The following INHBA variants were observed in gnomAD, a reference collection of about 807,000 sequenced individuals.
INHBA encodes the protein inhibin subunit beta A, also known as inhibin beta A chain.
INHBA carries 1 observed loss-of-function variant against 29.0 expected under a neutral mutation model. The observed-to-expected ratio is 0.03, with a 90% CI of 0.01 to 0.16. INHBA has a LOEUF of 0.16. Ranked by LOEUF, INHBA falls within the 10% of genes least tolerant of loss-of-function variation. INHBA has a pLI of 1.00. For synonymous variants in INHBA, 242 were observed against 216.8 expected, an observed-to-expected ratio of 1.12 and a Z score of -1.02; for missense variants, 376 against 545.4, an observed-to-expected ratio of 0.69 and a Z score of 3.09.
At chr7:41,703,422 TCA>T (rs1403121919), upstream of INHBA, among the ~76,000 whole-genome samples, 4 of 152,202 alleles carry the variant, frequency 2.6e-5, no homozygotes, top group Admixed American at 6.5e-5. Context: ...ATATTCAGGT[TCA>T]GTTTTATGTC....
intron 1 of INHBA, among the ~76,000 whole-genome samples, chr7:41,701,040 G>T (rs181608683): frequency 3.3e-5 from 5 of 151,994 alleles, no homozygotes; most frequent in Non-Finnish European, 7.4e-5. Context: ...CCATTTTCGG[G>T]GGTTCTACTT....
Position 41,690,496 on chromosome 7 carries a change from A to G in INHBA, c.435T>C (p.Ser145=). 1 of 1,611,976 alleles carries G rather than the reference A, an allele frequency of 6.2e-7. No individual in the cohort carries two copies. ...TLHFEISKEG[S]DLSVVERAEV... ...CTGCACGCTCCACCACTGACAGGTC[A>G]CTGCCTTCCTTGGAAATCTCGAAGT... Residue 145 remains serine, a synonymous_variant, in exon 3 of 3, where the codon AGT becomes AGC. Coordinates refer to ENST00000242208, the MANE Select transcript of INHBA (RefSeq NM_002192.4).
At chr7:41,691,455 A>C (rs2237435) in intron 2 of INHBA, 98,429 of 152,160 alleles carry the variant, frequency 0.65, 32,771 homozygotes, top group Non-Finnish European at 0.72. Flanking sequence ...TCCAACAGAA[A>C]GTGGCTGGGA....
intron 1 of INHBA, among the ~76,000 whole-genome samples, chr7:41,701,087 A>AT (rs372441227): frequency 0.056 from 8,425 of 150,226 alleles, 327 homozygotes; most frequent in Non-Finnish European, 0.083. Flanking sequence ...TTTGTTCACT[A>AT]TTTTTTTTTC....
Position 41,700,081 on chromosome 7 carries a change from G to A in INHBA, c.294C>T (p.Asn98=), listed in dbSNP as rs149702280. The part of the protein sequence containing the change: ...RKLHVGKVGE[N]GYVEIEDDIG... ...TGTCATCCTCTATCTCCACATACCC[G>A]TTCTCCCCGACTTTGCCCACATGAA... Residue 98 remains asparagine (N), a synonymous_variant, in exon 2 of 3, where the codon AAC becomes AAT. Coordinates refer to ENST00000242208, the MANE Select transcript of INHBA (RefSeq NM_002192.4). 5.1e-5 allele frequency: 82 copies of A among 1,613,542 alleles called. No homozygotes were observed. Among genetic ancestry groups the A allele is most frequent in the African/African-American group, 8.0e-5 (6 of 74,734 alleles).
In INHBA at chr7:41,689,514, TTTTTTTTTG is replaced by T; in HGVS notation, c.*127_*135del. ...AGGTTTTGTTTTTAATTTACTTTTG[TTTTTTTTTG>T]TTTTTTTTTTTGTTTTGTTTTTAAT... On this transcript the variant is annotated 3_prime_UTR_variant, in exon 3 of 3. Transcript: ENST00000242208. 2 of 748,394 alleles carry T rather than the reference TTTTTTTTTG, an allele frequency of 2.7e-6. No individual in the cohort carries two copies. Among genetic ancestry groups the T allele is most frequent in the Non-Finnish European group, 3.8e-6 (2 of 529,876 alleles). 46.4% of individuals were successfully genotyped at this position (748,394 alleles called of 1,614,324 possible). A position where few individuals can be genotyped will look rare whatever the true frequency, so the allele number is the denominator to read the frequency against.
upstream of INHBA, among the ~76,000 whole-genome samples, chr7:41,704,097 G>A (rs1237259115): frequency 1.3e-5 from 2 of 152,220 alleles, no homozygotes; most frequent in African/African-American, 2.4e-5. Flanking sequence ...GGGAGCTAAT[G>A]AGAGCCATAT....
Position 41,700,047 on chromosome 7 carries a change from T to G in INHBA, c.328A>C (p.Arg110=), listed in dbSNP as rs1242670787. 6.3e-7 allele frequency: 1 copy of G among 1,598,840 alleles called. No individual in the cohort carries two copies. The highest frequency in any genetic ancestry group is 8.5e-7 in the Non-Finnish European group (1 of 1,173,472). ...YVEIEDDIGR[R]AEMNELMEQT... ...TCCATAAGTTCATTCATTTCTGCCC[T>G]CCTTCCAATGTCATCCTCTATCTCC... Residue 110 remains arginine (R), a synonymous_variant, in exon 2 of 3, where the codon AGG becomes CGG. Transcript: ENST00000242208.
intron 2 of INHBA, among the ~76,000 whole-genome samples, chr7:41,694,752 T>C (rs1477163833): frequency 6.6e-6 from 1 of 152,162 alleles, no homozygotes; most frequent in Non-Finnish European, 1.5e-5. Context: ...ATGTGGGTGA[T>C]AATATTTCAT....
chr7:41,702,012 T>C (rs763580551), intron 1 of INHBA, among the ~76,000 whole-genome samples: 2 of 152,228 alleles, frequency 1.3e-5, no homozygotes, highest in African/African-American at 2.4e-5. Context: ...TTCTGTCTTA[T>C]TGCTTTTATC....
chr7:41,699,543 G>C (rs3801158), intron 2 of INHBA, among the ~76,000 whole-genome samples: 114,732 of 152,036 alleles, frequency 0.75, 43,809 homozygotes, highest in Non-Finnish European at 0.81. Flanking sequence ...CTCCAATCCT[G>C]GTACATTCAC....
chr7:41,697,559 G>C (rs1794676015), intron 2 of INHBA, among the ~76,000 whole-genome samples: 1 of 152,136 alleles, frequency 6.6e-6, no homozygotes, highest in African/African-American at 2.4e-5. Flanking sequence ...AGGTTGAAAG[G>C]GGCTGCTATG....
At chr7:41,700,841 AAGAGAGAG>A (rs3030163) in intron 1 of INHBA, among the ~76,000 whole-genome samples, 3,964 of 79,054 alleles carry the variant, frequency 0.05, 314 homozygotes, top group African/African-American at 0.17. Context: ...GAGGGAAAGG[AAGAGAGAG>A]AGAGAGAGAG....
intron 2 of INHBA, 67 bp from the exon 3 acceptor site, chr7:41,690,609 G>A (rs1794480714): frequency 1.1e-5 from 16 of 1,457,914 alleles, no homozygotes; most frequent in Admixed American, 5.3e-5. Flanking sequence ...ACATGCACTC[G>A]TAAATTTCAG....
Position 41,689,978 on chromosome 7 carries a change from A to T in INHBA, c.953T>A (p.Val318Asp). ...GAACTGTTTCTTACAGCAGATGTTG[A>T]CCTTGCCATCACACTCCAAGCCCCG... ...RRRGLECDGK[V>D]NICCKKQFFV... Residue 318 changes from valine to aspartate, a missense_variant, in exon 3 of 3, where the codon GTC (valine) becomes GAC (aspartate). Around this residue, in one of 4 missense-constraint regions of INHBA, gnomAD observed 253 missense variants for 313.4 expected, o/e 0.81. Transcript: ENST00000242208. The T allele has an allele frequency of 1.9e-6, 3 of 1,613,900 alleles. No homozygotes were observed. The highest frequency in any genetic ancestry group is 1.7e-6 in the Non-Finnish European group (2 of 1,180,014).
rs1200577375 is a variant in INHBA at position 41,690,561 on chromosome 7, A to C, written c.389-19T>G. 5 of 1,554,660 alleles carry C rather than the reference A, an allele frequency of 3.2e-6. No homozygotes were observed. In the East Asian group the frequency reaches 9.0e-5, roughly 28 times the overall value. On this transcript the variant is annotated intron_variant, in intron 2 of 2. Coordinates refer to ENST00000242208, the MANE Select transcript of INHBA (RefSeq NM_002192.4). ...GCTGTTCCTGAAGATGAAAGACAGC[A>C]TAAGAGAAAACAGGCACACCTGTTA...
Position 41,689,615 on chromosome 7 carries a change from A to C in INHBA, c.*35T>G. 6.8e-7 allele frequency: 1 copy of C among 1,477,788 alleles called. No homozygotes were observed. The highest frequency in any genetic ancestry group is 8.9e-7 in the Non-Finnish European group (1 of 1,117,392). The allele number at this position is 1,477,788 out of a possible 1,614,324, so 91.5% of individuals were successfully genotyped here. A position where few individuals can be genotyped will look rare whatever the true frequency, so the allele number is the denominator to read the frequency against. The stretch of plus-strand genomic sequence containing the variant: ...CATTTTGCCACTGTCTTCTCTGGAC[A>C]ACTCTTGCTCCCTTTCCCCCTGGGC... On this transcript the variant is annotated 3_prime_UTR_variant, in exon 3 of 3. Coordinates refer to ENST00000242208, the MANE Select transcript of INHBA (RefSeq NM_002192.4).
At chr7:41,694,988 A>G (rs1004173033) in intron 2 of INHBA, among the ~76,000 whole-genome samples, 3 of 152,168 alleles carry the variant, frequency 2.0e-5, no homozygotes, top group Non-Finnish European at 4.4e-5. Context: ...AAATGTTTTG[A>G]ATAAGTCAAT....
Position 41,690,037 on chromosome 7 carries a change from C to T in INHBA, c.894G>A (p.Arg298=). 2 of 1,614,048 alleles carry T rather than the reference C, an allele frequency of 1.2e-6. No individual in the cohort carries two copies. Among genetic ancestry groups the T allele is most frequent in the East Asian group, 2.2e-5 (1 of 44,834 alleles). The change falls in exon 3 of 3, where the codon CGG becomes CGA. Residue 298 remains arginine, a synonymous_variant. Coordinates refer to ENST00000242208, the MANE Select transcript of INHBA (RefSeq NM_002192.4). The part of the protein sequence containing the change: ...SHRPFLMLQA[R]QSEDHPHRRR... ...GGCGATGAGGGTGGTCTTCAGACTGCCGGGCCTGCAGCATGAGGAAAGGTC... is the reference window on the plus strand; with the variant it reads ...GGCGATGAGGGTGGTCTTCAGACTGTCGGGCCTGCAGCATGAGGAAAGGTC...
Sources: allele counts gnomAD v4.1 joint callset (sites outside exome capture counted in the v4.1 genomes callset), GRCh38; gene constraint gnomAD v4.1.1; regional missense constraint gnomAD v4.1.1; transcripts MANE v1.5; gene names NCBI Gene and HGNC (gene_info 2026-07-23, HGNC 2026-07-21).